Variants in PEAK1 observed in about 807,000 individuals in gnomAD.
PEAK1 encodes the protein pseudopodium enriched atypical kinase 1.
In PEAK1, 54 loss-of-function variants were observed where a neutral mutation model predicts 124.7. That is an observed-to-expected ratio of 0.43 (90% confidence interval 0.35 to 0.54). The LOEUF (loss-of-function observed/expected upper bound fraction) is 0.54, where lower values mean the gene tolerates loss of function less well. Ranked by LOEUF, PEAK1 falls within the 20% of genes least tolerant of loss-of-function variation. The pLI, the probability that PEAK1 is intolerant of heterozygous loss-of-function variation, is 0.01. For synonymous variants in PEAK1, 719 were observed against 760.0 expected (o/e 0.95, Z 0.89); for missense variants, 2,046 against 2,134.5 (o/e 0.96, Z 0.82).
chr15:77,133,270 G>A lies in PEAK1; in HGVS notation c.3812C>T (p.Pro1271Leu), dbSNP rs1473546763. The A allele has an allele frequency of 3.7e-6, 6 of 1,614,208 alleles. No homozygotes were observed. Among genetic ancestry groups the A allele is most frequent in the South Asian group, 3.3e-5 (3 of 91,084 alleles). The change falls in exon 9 of 10, where the codon CCG becomes CTG. Residue 1271 changes from proline (P) to leucine (L), a missense_variant. Coordinates refer to ENST00000682557, the MANE Select transcript of PEAK1 (RefSeq NM_001385026.1). The surrounding 1 kb of genome is among the most constrained non-coding windows in gnomAD (Gnocchi z 4.2). ...SCRQGRGIQK[P>L]QRQALYRGLE... ...TCCTCGATAAAGTGCTTGTCTCTGC[G>A]GCTTCTGGATGCCTCGGCCCTGTCT...
At chr15:77,215,066 C>T (rs192409679) in intron 6 of PEAK1, among the ~76,000 whole-genome samples, 8 of 152,222 alleles carry the variant, frequency 5.3e-5, no homozygotes, top group South Asian at 2.1e-4. Flanking sequence ...TTCCCACTTG[C>T]GATATATGAG....
In PEAK1 at chr15:77,315,924, T is replaced by A. The variant is rs569428767; in HGVS notation, c.-602-29420A>T. Among the ~76,000 whole-genome samples, 5 of 152,154 alleles carry A rather than the reference T, an allele frequency of 3.3e-5. No homozygotes were observed. The South Asian group carries it at 1.0e-3, about 32-fold the overall frequency. On this transcript the variant is annotated intron_variant, in intron 2 of 9. Coordinates refer to ENST00000682557, the MANE Select transcript of PEAK1 (RefSeq NM_001385026.1). ...ATGATACAGGTAAAAACTAAGGAAA[T>A]CTGAATAAACTATGAATTTTAGCTA...
chr15:77,398,131 A>G (rs1003879942), intron 1 of PEAK1, among the ~76,000 whole-genome samples: 3 of 152,214 alleles, frequency 2.0e-5, no homozygotes, highest in Non-Finnish European at 4.4e-5. Flanking sequence ...TCCAGCAAAG[A>G]AAAGCTCAGG....
chr15:77,352,556 G>A, intron 2 of PEAK1: 1 of 954,806 alleles, frequency 1.0e-6, no homozygotes, highest in Middle Eastern at 5.4e-4. Flanking sequence ...ATATACTTTA[G>A]AAATATGTCA....
chr15:77,180,219 GTGC>G lies in PEAK1; in HGVS notation c.1705_1707del (p.Ala569del). 6.2e-7 allele frequency: 1 copy of G among 1,614,184 alleles called. No homozygotes were observed. Among genetic ancestry groups the G allele is most frequent in the Non-Finnish European group, 8.5e-7 (1 of 1,180,014 alleles). ...ATGTTTGTAGCTGTGGGTGATGTAG[GTGC>G]TGATTTGTGACAGTTTTTCCTTGGA... On this transcript the variant is annotated inframe_deletion, in exon 7 of 10. Transcript: ENST00000682557.
In PEAK1 at chr15:77,252,539, A is replaced by G. The variant is rs1233463822; in HGVS notation, c.-274-13T>C. Reference sequence around the variant, plus strand: ...ATAGCAATGTTTACTGCAAGAGAAAAAAAATAGAGCAAAACTGGAGAGTAA... The same window carrying G: ...ATAGCAATGTTTACTGCAAGAGAAAGAAAATAGAGCAAAACTGGAGAGTAA... On this transcript the variant is annotated splice_polypyrimidine_tract_variant and intron_variant, in intron 5 of 9. Coordinates refer to ENST00000682557, the MANE Select transcript of PEAK1 (RefSeq NM_001385026.1). 1 of 980,164 alleles carries G rather than the reference A, an allele frequency of 1.0e-6. No homozygotes were observed. Among genetic ancestry groups the G allele is most frequent in the East Asian group, 1.1e-4 (1 of 8,788 alleles). 60.7% of individuals were successfully genotyped at this position (980,164 alleles called of 1,614,324 possible).
At chr15:77,419,577 G>T (rs1018902235) in intron 1 of PEAK1, 1 of 985,004 alleles carries the variant, frequency 1.0e-6, no homozygotes, top group Admixed American at 6.2e-5. Flanking sequence ...GTGTGGACCC[G>T]GCAGGAGCCA....
chr15:77,322,134 G>A (rs991039897), intron 2 of PEAK1, among the ~76,000 whole-genome samples: 4 of 152,210 alleles, frequency 2.6e-5, no homozygotes, highest in Non-Finnish European at 5.9e-5. Flanking sequence ...AAAGCAGTGT[G>A]TAGAGGGAAA....
intron 8 of PEAK1, among the ~76,000 whole-genome samples, chr15:77,135,247 G>C (rs1596308566): frequency 6.6e-6 from 1 of 152,308 alleles, no homozygotes; most frequent in East Asian, 1.9e-4. Context: ...AGAAGGTGCT[G>C]GATGGTGCTG....
chr15:77,334,679 T>C (rs2066087357), intron 2 of PEAK1: 2 of 985,248 alleles, frequency 2.0e-6, no homozygotes, highest in South Asian at 9.4e-5. Context: ...ATCATTTCCA[T>C]CTATTTTTTT....
At chr15:77,260,593 G>A (rs2061388146) in intron 5 of PEAK1, among the ~76,000 whole-genome samples, 2 of 152,090 alleles carry the variant, frequency 1.3e-5, no homozygotes, top group South Asian at 4.1e-4. Flanking sequence ...AACTTCTAGA[G>A]ATAAAATATA....
Position 77,181,042 on chromosome 15 carries a change from G to A in PEAK1, c.885C>T (p.Pro295=), listed in dbSNP as rs977542475. ...FFVDKKWNTI[P]LRNKSLQRIC... is the part of the protein sequence containing the mutation. ...TTCTCTGCAGAGACTTGTTTCGCAG[G>A]GGGATGGTATTCCATTTTTTGTCCA... Residue 295 remains proline, a synonymous_variant, in exon 7 of 10, where the codon CCC becomes CCT. Transcript: ENST00000682557. The A allele has an allele frequency of 3.7e-6, 6 of 1,614,144 alleles. No individual in the cohort carries two copies. Among genetic ancestry groups the A allele is most frequent in the Non-Finnish European group, 5.1e-6 (6 of 1,180,006 alleles).
At chr15:77,132,319 A>G (rs979125662) in intron 9 of PEAK1, among the ~76,000 whole-genome samples, 1 of 151,812 alleles carries the variant, frequency 6.6e-6, no homozygotes, top group Admixed American at 6.5e-5. Context: ...TCCTGGGCTC[A>G]AGCTATCCAC....
At chr15:77,313,700 A>C (rs1236207723) in intron 2 of PEAK1, among the ~76,000 whole-genome samples, 1 of 113,358 alleles carries the variant, frequency 8.8e-6, no homozygotes, top group Admixed American at 8.9e-5. Context: ...GTGTATATAT[A>C]TATATGTATG....
chr15:77,398,686 C>A (rs2071102466), intron 1 of PEAK1, among the ~76,000 whole-genome samples: 1 of 152,096 alleles, frequency 6.6e-6, no homozygotes. Flanking sequence ...AACTGAAAAC[C>A]TCTCCTCTAA....
intron 8 of PEAK1, among the ~76,000 whole-genome samples, chr15:77,150,376 T>C (rs2054503775): frequency 6.6e-6 from 1 of 152,194 alleles, no homozygotes; most frequent in Non-Finnish European, 1.5e-5. Flanking sequence ...ATGGGGATAA[T>C]AACTCTTAGG....
chr15:77,315,367 A>C (rs1156325896), intron 2 of PEAK1, among the ~76,000 whole-genome samples: 4 of 152,196 alleles, frequency 2.6e-5, no homozygotes, highest in Non-Finnish European at 4.4e-5. Flanking sequence ...ATACCTTACT[A>C]AACAACTTTG....
chr15:77,226,593 C>G (rs551952065), intron 6 of PEAK1, among the ~76,000 whole-genome samples: 1 of 152,084 alleles, frequency 6.6e-6, no homozygotes, highest in South Asian at 2.1e-4. Context: ...CAAATAAAAA[C>G]TTGGAGGAAA....
At chr15:77,149,973 T>A (rs1374242502) in intron 8 of PEAK1, among the ~76,000 whole-genome samples, 3 of 152,044 alleles carry the variant, frequency 2.0e-5, no homozygotes, top group Non-Finnish European at 2.9e-5. Context: ...TAATCTTGAA[T>A]TCCTGAGCTC....
Sources: allele counts gnomAD v4.1 joint callset (sites outside exome capture counted in the v4.1 genomes callset), GRCh38; gene constraint gnomAD v4.1.1; non-coding constraint Gnocchi (gnomAD v3.1); transcripts MANE v1.5; gene names NCBI Gene and HGNC (gene_info 2026-07-23, HGNC 2026-07-21).